Variants in LRRC7 observed in about 807,000 individuals in gnomAD.
LRRC7 encodes leucine-rich repeat-containing protein 7.
In LRRC7, 23 loss-of-function variants were observed where a neutral mutation model predicts 175.7. The observed-to-expected ratio is 0.13, with a 90% CI of 0.09 to 0.19. The LOEUF is 0.19. Ranked by LOEUF, LRRC7 falls within the 10% of genes least tolerant of loss-of-function variation. LRRC7 has a pLI of 1.00. For missense variants in LRRC7, 1,354 were observed against 1,904.7 expected, an observed-to-expected ratio of 0.71 and a Z score of 5.38; for synonymous variants, 685 against 680.9, an observed-to-expected ratio of 1.01 and a Z score of -0.09.
At position 70,029,446 on chromosome 1, in the gene LRRC7, A is replaced by G. The variant is rs541505539; in HGVS notation, c.1995+1075A>G. On this transcript the variant is annotated intron_variant, in intron 18 of 26. Coordinates refer to ENST00000651989, the MANE Select transcript of LRRC7 (RefSeq NM_001370785.2). ...AAGCATAGTGTGCACATCTGCCAGC[A>G]GAGGTACCAACCTACCCTAGAGGAG... 2.2e-3 allele frequency among the ~76,000 whole-genome samples: 330 copies of G among 152,284 alleles called. 3 individuals carry two copies. The highest frequency in any genetic ancestry group is 7.6e-3 in the African/African-American group (317 of 41,574).
intron 1 of LRRC7, chr1:69,607,160 A>G (rs905777699): frequency 1.3e-5 from 2 of 152,130 alleles, no homozygotes; most frequent in African/African-American, 4.8e-5. Flanking sequence ...CCAGTGAAGT[A>G]TGGTTTAATG....
intron 7 of LRRC7, among the ~76,000 whole-genome samples, chr1:69,892,519 A>G (rs1645865944): frequency 6.6e-6 from 1 of 152,236 alleles, no homozygotes; most frequent in African/African-American, 2.4e-5. Context: ...CTGGTACTGT[A>G]ATTGACCTGA....
intron 1 of LRRC7, among the ~76,000 whole-genome samples, chr1:69,658,124 A>G (rs778157488): frequency 7.9e-5 from 12 of 151,912 alleles, no homozygotes; most frequent in Non-Finnish European, 1.3e-4. Flanking sequence ...CAGAAGTGTT[A>G]GAGATTTTGG....
At chr1:69,688,881 A>G (rs1455594805) in intron 2 of LRRC7, among the ~76,000 whole-genome samples, 1 of 152,134 alleles carries the variant, frequency 6.6e-6, no homozygotes, top group Non-Finnish European at 1.5e-5. Flanking sequence ...AGCAGGTAAG[A>G]TTACTCAACA....
intron 8 of LRRC7, among the ~76,000 whole-genome samples, chr1:69,948,063 G>T (rs1001490231): frequency 6.6e-6 from 1 of 152,060 alleles, no homozygotes; most frequent in African/African-American, 2.4e-5. Flanking sequence ...TTGGACGAAG[G>T]GGTGACTCAC....
chr1:69,673,402 G>A (rs1240470941), intron 1 of LRRC7, among the ~76,000 whole-genome samples: 3 of 152,170 alleles, frequency 2.0e-5, no homozygotes, highest in African/African-American at 7.2e-5. Flanking sequence ...CTTTTTCAGA[G>A]CTCTTCAATG....
At chr1:69,678,820 T>G (rs905759886) in intron 2 of LRRC7, among the ~76,000 whole-genome samples, 5 of 152,172 alleles carry the variant, frequency 3.3e-5, no homozygotes, top group African/African-American at 1.2e-4. Context: ...AAGAAACTTT[T>G]GAAATGTATC....
At position 69,595,736 on chromosome 1, in the gene LRRC7, C is replaced by T. The variant is rs546080652; in HGVS notation, c.2+27095C>T. On this transcript the variant is annotated intron_variant, in intron 1 of 26. Transcript: ENST00000651989. Reference sequence around the variant, plus strand: ...TGCATGGCATTCCTCATTTCGACAACATTTCAGTCTGCCAGATGGCACTTC... The same window carrying T: ...TGCATGGCATTCCTCATTTCGACAATATTTCAGTCTGCCAGATGGCACTTC... Among the ~76,000 whole-genome samples the T allele has an allele frequency of 4.6e-5, 7 of 152,222 alleles. No homozygotes were observed. In the South Asian group the frequency reaches 8.3e-4, roughly 18 times the overall value.
chr1:69,926,417 C>A (rs1647075407), intron 7 of LRRC7, among the ~76,000 whole-genome samples: 1 of 135,086 alleles, frequency 7.4e-6, no homozygotes, highest in Non-Finnish European at 1.6e-5. Context: ...GTGTTAAAGT[C>A]TCCCATTATT....
At position 69,760,256 on chromosome 1, in the gene LRRC7, C is replaced by A; in HGVS notation, c.166C>A (p.Arg56=). Residue 56 remains arginine, a synonymous_variant, in exon 3 of 27, where the codon CGA becomes AGA. Coordinates refer to ENST00000651989, the MANE Select transcript of LRRC7 (RefSeq NM_001370785.2). The part of the protein sequence containing the change: ...IGRLVPCRCF[R]GEEEIISVLD... The stretch of plus-strand genomic sequence containing the variant: ...CCGTCTGGTGCCATGCCGATGTTTC[C>A]GAGGTGAAGAAGAAATCATCTCAGT... 1 of 1,612,670 alleles carries A rather than the reference C, an allele frequency of 6.2e-7. No individual in the cohort carries two copies. The highest frequency in any genetic ancestry group is 8.5e-7 in the Non-Finnish European group (1 of 1,179,286).
chr1:69,939,915 G>C (rs537618667), intron 8 of LRRC7, among the ~76,000 whole-genome samples: 167 of 152,180 alleles, frequency 1.1e-3, no homozygotes, highest in African/African-American at 3.9e-3. Flanking sequence ...TCATTCCATA[G>C]TTAGCTGTCT....
chr1:70,011,002 C>T (rs773301103), intron 11 of LRRC7, among the ~76,000 whole-genome samples: 5 of 152,152 alleles, frequency 3.3e-5, no homozygotes, highest in Admixed American at 2.6e-4. Context: ...ATACAGACCC[C>T]GTATTGACAG....
At chr1:69,586,493 T>A (rs1646408021) in intron 1 of LRRC7, among the ~76,000 whole-genome samples, 1 of 151,818 alleles carries the variant, frequency 6.6e-6, no homozygotes, top group South Asian at 2.1e-4. Context: ...TTGGGGAGAT[T>A]TTCAATGTGG....
intron 2 of LRRC7, among the ~76,000 whole-genome samples, chr1:69,717,987 A>T: frequency 6.8e-6 from 1 of 147,662 alleles, no homozygotes; most frequent in Non-Finnish European, 1.5e-5. Flanking sequence ...AAGAAAGAGG[A>T]GGGAGAGAAA....
chr1:70,056,158 A>C (rs1184347876), intron 23 of LRRC7, among the ~76,000 whole-genome samples: 4 of 152,178 alleles, frequency 2.6e-5, no homozygotes, highest in African/African-American at 7.2e-5. Context: ...CAGTAGAGAA[A>C]ACTTAGCTGG....
chr1:70,052,598 T>G (rs1660831240), intron 22 of LRRC7, among the ~76,000 whole-genome samples: 1 of 152,080 alleles, frequency 6.6e-6, no homozygotes, highest in East Asian at 1.9e-4. Context: ...TAAAATTTAT[T>G]TTAGGTTATG....
At chr1:70,021,301 G>T (rs973308573) in intron 16 of LRRC7, 172 bp downstream of exon 16, 3 of 551,814 alleles carry the variant, frequency 5.4e-6, no homozygotes, top group Middle Eastern at 4.5e-4. Context: ...TTCAGAATGA[G>T]ACTAATGTCC....
In LRRC7 at chr1:69,916,024, T is replaced by TTA. The variant is rs1157132522; in HGVS notation, c.648-15472_648-15471dup. On this transcript the variant is annotated intron_variant, in intron 7 of 26. Coordinates refer to ENST00000651989, the MANE Select transcript of LRRC7 (RefSeq NM_001370785.2). ...TCCAGGGTCCGTGGTCTTAGCTATT[T>TTA]TATATATATATAAATTTATATATAT... Among the ~76,000 whole-genome samples, 18 of 130,384 alleles carry TTA rather than the reference T, an allele frequency of 1.4e-4. No individual in the cohort carries two copies. The East Asian group carries it at 3.6e-3, about 26-fold the overall frequency. The allele number at this position is 130,384 out of a possible 152,430, so 85.5% of individuals were successfully genotyped here. A position where few individuals can be genotyped will look rare whatever the true frequency, so the allele number is the denominator to read the frequency against.
At chr1:69,781,143 G>GCTAA (rs1331017885) in intron 3 of LRRC7, among the ~76,000 whole-genome samples, 2 of 152,022 alleles carry the variant, frequency 1.3e-5, no homozygotes, top group Non-Finnish European at 2.9e-5. Flanking sequence ...TTGGCACTTT[G>GCTAA]CTAACCCAAA....
Sources: gnomAD v4.1 joint callset for allele counts (sites outside exome capture counted in the v4.1 genomes callset) on GRCh38, gnomAD v4.1.1 for gene constraint, MANE v1.5 for transcripts, NCBI Gene and HGNC (gene_info 2026-07-23, HGNC 2026-07-21) for gene names.